HNF4G: variants seen among roughly 807,000 people sequenced by gnomAD.
HNF4G encodes the protein hepatocyte nuclear factor 4 gamma, also known as hepatocyte nuclear factor 4-gamma.
In HNF4G, 21 loss-of-function variants were observed where a neutral mutation model predicts 50.9. That is an observed-to-expected ratio of 0.41 (90% CI 0.29 to 0.59). HNF4G has a LOEUF of 0.59. Among genes scored for constraint, HNF4G ranks in the 20% least tolerant of loss-of-function variants. The probability of loss-of-function intolerance (pLI) is 0.26; values close to 1 mark genes in which losing one functional copy is unlikely to be tolerated. For synonymous variants in HNF4G, 198 were observed against 185.6 expected (o/e 1.07, Z -0.54); for missense variants, 527 against 559.4 (o/e 0.94, Z 0.58).
intron 1 of HNF4G, among the ~76,000 whole-genome samples, chr8:75,472,323 C>G (rs1030966554): frequency 6.6e-6 from 1 of 152,136 alleles, no homozygotes; most frequent in Admixed American, 6.5e-5. Flanking sequence ...GATGGGGATT[C>G]AAGTTCTCCC....
intron 2 of HNF4G, among the ~76,000 whole-genome samples, chr8:75,512,861 C>A (rs1028177218): frequency 6.6e-6 from 1 of 152,028 alleles, no homozygotes; most frequent in Non-Finnish European, 1.5e-5. Context: ...TCGATTTTGT[C>A]CTGTTGCATT....
At chr8:75,490,834 G>T (rs1312766528) in intron 2 of HNF4G, among the ~76,000 whole-genome samples, 1 of 152,156 alleles carries the variant, frequency 6.6e-6, no homozygotes, top group East Asian at 1.9e-4. Context: ...TTAGCTAACT[G>T]AAACCATATA....
At chr8:75,429,296 G>A (rs1810954565) in intron 1 of HNF4G, among the ~76,000 whole-genome samples, 1 of 151,968 alleles carries the variant, frequency 6.6e-6, no homozygotes. Context: ...CAAAAGTTAT[G>A]TTTCAACAAT....
chr8:75,434,909 G>C (rs947576162), intron 1 of HNF4G, among the ~76,000 whole-genome samples: 2 of 152,140 alleles, frequency 1.3e-5, no homozygotes, highest in African/African-American at 4.8e-5. Flanking sequence ...TTAAGGACTT[G>C]AACCCATTGT....
At chr8:75,437,935 T>C (rs1811178992) in intron 1 of HNF4G, among the ~76,000 whole-genome samples, 1 of 152,178 alleles carries the variant, frequency 6.6e-6, no homozygotes, top group Admixed American at 6.5e-5. Context: ...TCCACAATTA[T>C]TTCTAAATAA....
chr8:75,550,696 T>C (rs1374438446), intron 3 of HNF4G, among the ~76,000 whole-genome samples: 2 of 92,716 alleles, frequency 2.2e-5, no homozygotes, highest in Non-Finnish European at 4.1e-5. Flanking sequence ...GGAATTACAT[T>C]ACTCTTTTTT....
chr8:75,418,907 G>C (rs1299561183), intron 1 of HNF4G, among the ~76,000 whole-genome samples: 1 of 151,670 alleles, frequency 6.6e-6, no homozygotes, highest in African/African-American at 2.4e-5. Flanking sequence ...TTGTATTTTT[G>C]GTAGAGGCGG....
chr8:75,522,216 CT>C (rs1554577524), intron 2 of HNF4G, among the ~76,000 whole-genome samples: 5 of 152,224 alleles, frequency 3.3e-5, no homozygotes, highest in South Asian at 4.1e-4. Context: ...ATTAAACAAA[CT>C]TTTTTTATAT....
chr8:75,477,884 T>C (rs1323393443), intron 1 of HNF4G, among the ~76,000 whole-genome samples: 1 of 152,046 alleles, frequency 6.6e-6, no homozygotes, highest in Non-Finnish European at 1.5e-5. Flanking sequence ...GGAGAATCGC[T>C]TGAACCCAGG....
chr8:75,544,511 G>A (rs1806715392), intron 2 of HNF4G, among the ~76,000 whole-genome samples: 1 of 152,098 alleles, frequency 6.6e-6, no homozygotes, highest in Admixed American at 6.6e-5. Flanking sequence ...ATATCAATGA[G>A]TGAAATTTAA....
chr8:75,448,312 T>C (rs987297210), intron 1 of HNF4G, among the ~76,000 whole-genome samples: 2 of 136,300 alleles, frequency 1.5e-5, no homozygotes, highest in Non-Finnish European at 3.2e-5. Flanking sequence ...AGGGATATCA[T>C]TGGGAGATAT....
chr8:75,442,166 G>T (rs1424775270), intron 1 of HNF4G, among the ~76,000 whole-genome samples: 1 of 152,138 alleles, frequency 6.6e-6, no homozygotes, highest in East Asian at 1.9e-4. Context: ...AGAAATGCAA[G>T]AAGTTATTAT....
At chr8:75,463,894 C>T (rs1226838131) in intron 1 of HNF4G, among the ~76,000 whole-genome samples, 1 of 151,750 alleles carries the variant, frequency 6.6e-6, no homozygotes, top group Non-Finnish European at 1.5e-5. Context: ...CCTGCCTCAG[C>T]CTCCCGAGTA....
upstream of HNF4G, among the ~76,000 whole-genome samples, chr8:75,535,904 CT>C (rs1271318984): frequency 2.0e-5 from 3 of 151,876 alleles, no homozygotes; most frequent in Non-Finnish European, 2.9e-5. Flanking sequence ...GGGTTGTCTT[CT>C]TTAAACATCA....
At chr8:75,514,769 A>G in intron 2 of HNF4G, among the ~76,000 whole-genome samples, 1 of 152,126 alleles carries the variant, frequency 6.6e-6, no homozygotes, top group Admixed American at 6.5e-5. Context: ...TTCAAGTGAC[A>G]TTTATAATGA....
intron 1 of HNF4G, among the ~76,000 whole-genome samples, chr8:75,437,682 A>C (rs949576228): frequency 2.0e-5 from 3 of 152,100 alleles, no homozygotes; most frequent in African/African-American, 4.8e-5. Flanking sequence ...TCAAAAAAAT[A>C]ATAATAAAAA....
rs181843650 is a variant in HNF4G, at chr8:75,565,398, C to A, written c.*1302C>A. On this transcript the variant is annotated 3_prime_UTR_variant, in exon 10 of 10. Coordinates refer to ENST00000396423, the MANE Select transcript of HNF4G (RefSeq NM_004133.5). ...ACATTAGATAAAATAAAAGATTCAC[C>A]GGATGGATTCTGATGAAAACGAAAA... 2 of 152,030 alleles carry A rather than the reference C, an allele frequency of 1.3e-5. No homozygotes were observed. The highest frequency in any genetic ancestry group is 2.4e-5 in the African/African-American group (1 of 41,392). The allele number at this position is 152,030 out of a possible 1,614,324, so 9.4% of individuals were successfully genotyped here. A position where few individuals can be genotyped will look rare whatever the true frequency, so the allele number is the denominator to read the frequency against.
intron 1 of HNF4G, among the ~76,000 whole-genome samples, chr8:75,457,073 T>C (rs1811740600): frequency 6.6e-6 from 1 of 152,192 alleles, no homozygotes; most frequent in African/African-American, 2.4e-5. Context: ...GTTAAATATT[T>C]ATAATAGTCT....
At chr8:75,544,036 C>A in intron 2 of HNF4G, 57 bp downstream of exon 2, 1 of 1,439,158 alleles carries the variant, frequency 6.9e-7, no homozygotes. Flanking sequence ...GTTTGGCACG[C>A]AAAAAGTAAG....
Sources: allele counts gnomAD v4.1 joint callset (sites outside exome capture counted in the v4.1 genomes callset), GRCh38; gene constraint gnomAD v4.1.1; transcripts MANE v1.5; gene names NCBI Gene and HGNC (gene_info 2026-07-23, HGNC 2026-07-21).